TRABD2B: variants seen among roughly 807,000 people sequenced by gnomAD.
TRABD2B encodes the protein TraB domain containing 2B.
Under a neutral mutation model 40.1 loss-of-function variants are expected in TRABD2B, and 14 were observed. The observed-to-expected ratio is 0.35, with a 90% CI of 0.23 to 0.55. The LOEUF is 0.55. Among genes scored for constraint, TRABD2B ranks in the 20% least tolerant of loss-of-function variants. The pLI, the probability that TRABD2B is intolerant of heterozygous loss-of-function variation, is 0.90. For missense variants in TRABD2B, 541 were observed against 648.6 expected, an observed-to-expected ratio of 0.83 and a Z score of 1.80; for synonymous variants, 263 against 277.0, an observed-to-expected ratio of 0.95 and a Z score of 0.50.
chr1:47,965,206 G>T (rs1645582032), intron 2 of TRABD2B, among the ~76,000 whole-genome samples: 1 of 110,308 alleles, frequency 9.1e-6, no homozygotes, highest in African/African-American at 3.5e-5. Context: ...GGGGGCGGGG[G>T]GGGGTGGAGG....
intron 2 of TRABD2B, among the ~76,000 whole-genome samples, chr1:47,829,433 G>A (rs1645220265): frequency 6.6e-6 from 1 of 152,042 alleles, no homozygotes; most frequent in Non-Finnish European, 1.5e-5. Context: ...AGTGACTGCT[G>A]GCATATCACT....
Position 47,775,420 on chromosome 1 carries a change from C to A in TRABD2B, c.1099G>T (p.Ala367Ser). 8.1e-7 allele frequency: 1 copy of A among 1,235,342 alleles called. No individual in the cohort carries two copies. The highest frequency in any genetic ancestry group is 1.5e-5 in the African/African-American group (1 of 64,618). The allele number at this position is 1,235,342 out of a possible 1,614,324, so 76.5% of individuals were successfully genotyped here. Residue 367 changes from alanine (A) to serine (S), a missense_variant, in exon 6 of 7, where the codon GCG becomes TCG. Ala to Ser is a moderately conservative substitution (Grantham distance 99). Coordinates refer to ENST00000606738, the MANE Select transcript of TRABD2B (RefSeq NM_001194986.2). ...AIHSPAPQSP[A>S]PSPEGTSTSP... ...GTCGAGGTCCCCTCAGGAGAGGGCG[C>A]TGGGCTCTGGGGGGCAGGGCTGGAA...
chr1:47,948,746 AACCTC>A (rs1305299096), intron 2 of TRABD2B, among the ~76,000 whole-genome samples: 1 of 152,086 alleles, frequency 6.6e-6, no homozygotes, highest in African/African-American at 2.4e-5. Flanking sequence ...CTCTCTCCTT[AACCTC>A]AGTATTCCTC....
chr1:47,987,564 C>T (rs1413772646), intron 2 of TRABD2B, among the ~76,000 whole-genome samples: 13 of 152,166 alleles, frequency 8.5e-5, no homozygotes. Context: ...CATAAGCTAT[C>T]CTGTGCTCCT....
rs145972467 is a variant in TRABD2B at position 47,810,247 on chromosome 1, G to A, written c.667-8628C>T. 3.1e-3 allele frequency among the ~76,000 whole-genome samples: 472 copies of A among 151,812 alleles called. 6 individuals are homozygous for A. The highest frequency in any genetic ancestry group is 0.011 in the African/African-American group (454 of 41,356). On this transcript the variant is annotated intron_variant, in intron 2 of 6. Coordinates refer to ENST00000606738, the MANE Select transcript of TRABD2B (RefSeq NM_001194986.2). ...AGAGTTGGGGCCCTGCTCTGTTGTCGAGGCTGGAGTGCAGTGGTGCGATCT... is the reference window on the plus strand; with the variant it reads ...AGAGTTGGGGCCCTGCTCTGTTGTCAAGGCTGGAGTGCAGTGGTGCGATCT...
chr1:47,941,942 A>G (rs560798609), intron 2 of TRABD2B, among the ~76,000 whole-genome samples: 3 of 152,372 alleles, frequency 2.0e-5, no homozygotes, highest in East Asian at 1.9e-4. Context: ...CTGGGCTATT[A>G]TAAGTGCCAA....
intron 3 of TRABD2B, among the ~76,000 whole-genome samples, chr1:47,800,711 C>A (rs1424270900): frequency 6.6e-6 from 1 of 152,176 alleles, no homozygotes; most frequent in Non-Finnish European, 1.5e-5. Flanking sequence ...TGGGAGAATG[C>A]CTGACCCTAT....
rs115174791 is a variant in TRABD2B, at chr1:47,842,589, C to T, written c.667-40970G>A. 4.6e-3 allele frequency among the ~76,000 whole-genome samples: 701 copies of T among 152,256 alleles called. 8 individuals are homozygous for T. Among genetic ancestry groups the T allele is most frequent in the African/African-American group, 0.016 (666 of 41,532 alleles). Reference sequence around the variant, plus strand: ...AGCATGCTCTATAACACAACAAGTACGCAGCCAGGACTAGATTCAGTCCCC... The same window carrying T: ...AGCATGCTCTATAACACAACAAGTATGCAGCCAGGACTAGATTCAGTCCCC... On this transcript the variant is annotated intron_variant, in intron 2 of 6. Transcript: ENST00000606738.
At chr1:47,809,268 G>A (rs927635301) in intron 2 of TRABD2B, among the ~76,000 whole-genome samples, 2 of 152,182 alleles carry the variant, frequency 1.3e-5, no homozygotes, top group Non-Finnish European at 2.9e-5. Flanking sequence ...TCCCGCTTGA[G>A]GATGAATGCT....
At chr1:47,941,075 C>G (rs569718559) in intron 2 of TRABD2B, among the ~76,000 whole-genome samples, 1 of 152,110 alleles carries the variant, frequency 6.6e-6, no homozygotes. Flanking sequence ...CAGACTTACC[C>G]CTCCTCCTTT....
intron 2 of TRABD2B, among the ~76,000 whole-genome samples, chr1:47,805,393 T>C (rs1644877953): frequency 6.6e-6 from 1 of 152,158 alleles, no homozygotes; most frequent in African/African-American, 2.4e-5. Context: ...TTCCCATGTG[T>C]CACAGCAGGA....
chr1:47,991,985 G>A (rs1646018601), intron 2 of TRABD2B, among the ~76,000 whole-genome samples: 1 of 152,196 alleles, frequency 6.6e-6, no homozygotes, highest in African/African-American at 2.4e-5. Flanking sequence ...AGGGGATGGA[G>A]GAGAGATTTC....
At position 47,949,489 on chromosome 1, in the gene TRABD2B, C is replaced by A. The variant is rs553546136; in HGVS notation, c.666+44545G>T. Among the ~76,000 whole-genome samples, 680 of 142,220 alleles carry A rather than the reference C, an allele frequency of 4.8e-3. 3 individuals are homozygous for A. Among genetic ancestry groups the A allele is most frequent in the Middle Eastern group, 0.017 (4 of 232 alleles). The allele number at this position is 142,220 out of a possible 152,430, so 93.3% of individuals were successfully genotyped here. A position where few individuals can be genotyped will look rare whatever the true frequency, so the allele number is the denominator to read the frequency against. On this transcript the variant is annotated intron_variant, in intron 2 of 6. Transcript: ENST00000606738. ...GTGGTGCGATCTTGTCTCACTGCAACCTCTGCCTCCCGGGTTCAAGTGATT... is the reference window on the plus strand; with the variant it reads ...GTGGTGCGATCTTGTCTCACTGCAAACTCTGCCTCCCGGGTTCAAGTGATT...
At chr1:47,957,905 T>A (rs1645448437) in intron 2 of TRABD2B, among the ~76,000 whole-genome samples, 1 of 152,078 alleles carries the variant, frequency 6.6e-6, no homozygotes, top group Non-Finnish European at 1.5e-5. Flanking sequence ...GACACATAAT[T>A]GTCAAATTCA....
At chr1:47,824,706 G>A (rs1645152602) in intron 2 of TRABD2B, among the ~76,000 whole-genome samples, 1 of 152,204 alleles carries the variant, frequency 6.6e-6, no homozygotes, top group Non-Finnish European at 1.5e-5. Context: ...ATGAATTATT[G>A]AGGGTGACAT....
In TRABD2B at chr1:47,882,814, G is replaced by A. The variant is rs557542295; in HGVS notation, c.667-81195C>T. On this transcript the variant is annotated intron_variant, in intron 2 of 6. Transcript: ENST00000606738. ...GCTTGTGGGGAAATTTTTTATTTGA[G>A]GAACGAGGAAGGTAACAGTGAGGAA... Among the ~76,000 whole-genome samples the A allele has an allele frequency of 1.3e-3, 202 of 152,112 alleles. 1 individual carries two copies. Among genetic ancestry groups the A allele is most frequent in the African/African-American group, 4.7e-3 (195 of 41,500 alleles).
At chr1:47,861,121 A>C (rs1272245982) in intron 2 of TRABD2B, among the ~76,000 whole-genome samples, 1 of 152,198 alleles carries the variant, frequency 6.6e-6, no homozygotes, top group Non-Finnish European at 1.5e-5. Context: ...CCAGGACTAC[A>C]TCTGGTCTGG....
At chr1:47,832,795 T>A (rs1368843516) in intron 2 of TRABD2B, among the ~76,000 whole-genome samples, 1 of 152,104 alleles carries the variant, frequency 6.6e-6, no homozygotes, top group Non-Finnish European at 1.5e-5. Flanking sequence ...TTGCAAATAG[T>A]CACTAGCTAT....
intron 2 of TRABD2B, among the ~76,000 whole-genome samples, chr1:47,866,792 T>TC (rs1644064573): frequency 6.6e-6 from 1 of 152,120 alleles, no homozygotes; most frequent in African/African-American, 2.4e-5. Flanking sequence ...ACTGGGCCTG[T>TC]CCAAGCCTGT....
Sources: allele counts gnomAD v4.1 joint callset (sites outside exome capture counted in the v4.1 genomes callset), GRCh38; gene constraint gnomAD v4.1.1; transcripts MANE v1.5; gene names NCBI Gene and HGNC (gene_info 2026-07-23, HGNC 2026-07-21).